GIGYF2: variants seen among roughly 807,000 people sequenced by gnomAD.
GIGYF2 encodes the protein GRB10 interacting GYF protein 2.
A neutral mutation model predicts 208.1 loss-of-function variants in GIGYF2; 25 were observed. The ratio of observed to expected loss-of-function variants is 0.12; its 90% CI spans 0.09 to 0.17. The LOEUF (loss-of-function observed/expected upper bound fraction) is 0.17, where lower values mean the gene tolerates loss of function less well. GIGYF2 is among the 10% of genes least tolerant of loss of function. The pLI is 1.00. For synonymous variants in GIGYF2, 534 were observed against 543.8 expected, an observed-to-expected ratio of 0.98 and a Z score of 0.25; for missense variants, 1,302 against 1,579.4, an observed-to-expected ratio of 0.82 and a Z score of 2.98.
intron 16 of GIGYF2, among the ~76,000 whole-genome samples, chr2:232,810,082 G>A (rs1444154617): frequency 2.0e-5 from 3 of 152,212 alleles, no homozygotes; most frequent in Non-Finnish European, 4.4e-5. Context: ...CTGCCTTCCT[G>A]GTTCCATTGA....
At chr2:232,735,957 G>A in intron 3 of GIGYF2, 4 of 983,898 alleles carry the variant, frequency 4.1e-6, no homozygotes, top group Non-Finnish European at 4.8e-6. Flanking sequence ...ATCAGAAGTA[G>A]TATCTAAAAT....
chr2:232,813,594 T>A (rs1402865616), intron 18 of GIGYF2, among the ~76,000 whole-genome samples: 1 of 152,176 alleles, frequency 6.6e-6, no homozygotes, highest in Non-Finnish European at 1.5e-5. Flanking sequence ...ATAGTTGGTG[T>A]TGAAGATCCT....
chr2:232,729,467 T>A, intron 2 of GIGYF2: 1 of 924,918 alleles, frequency 1.1e-6, no homozygotes, highest in South Asian at 2.5e-5. Flanking sequence ...TTTTAGGTTT[T>A]TTTTTTTAAT....
rs189988138 is a variant in GIGYF2, at chr2:232,842,442, T to G, written c.2890-1604T>G. On this transcript the variant is annotated intron_variant, in intron 23 of 28. Coordinates refer to ENST00000373563, the MANE Select transcript of GIGYF2 (RefSeq NM_001103146.3). ...GTATTTTTTATAGCCTTTTATTGTT[T>G]CATTAAATGCACCATCTTACCTCTC... Among the ~76,000 whole-genome samples, 174 of 152,328 alleles carry G rather than the reference T, an allele frequency of 1.1e-3. 1 individual carries two copies. Among genetic ancestry groups the G allele is most frequent in the African/African-American group, 4.0e-3 (167 of 41,574 alleles).
At chr2:232,772,835 G>C (rs1407517292) in intron 8 of GIGYF2, among the ~76,000 whole-genome samples, 1 of 152,180 alleles carries the variant, frequency 6.6e-6, no homozygotes, top group Non-Finnish European at 1.5e-5. Context: ...CTACAGACTT[G>C]TGGAGCTAGG....
chr2:232,860,472 GTA>G lies in GIGYF2; in HGVS notation c.*3620_*3621del, dbSNP rs1559175954. 1 of 149,672 alleles carries G rather than the reference GTA, an allele frequency of 6.7e-6. No homozygotes were observed. Among genetic ancestry groups the G allele is most frequent in the African/African-American group, 2.5e-5 (1 of 40,788 alleles). 9.3% of individuals were successfully genotyped at this position (149,672 alleles called of 1,614,324 possible). A position where few individuals can be genotyped will look rare whatever the true frequency, so the allele number is the denominator to read the frequency against. On this transcript the variant is annotated 3_prime_UTR_variant, in exon 29 of 29. Coordinates refer to ENST00000373563, the MANE Select transcript of GIGYF2 (RefSeq NM_001103146.3). Reference sequence around the variant, plus strand: ...TAATATATACATATATGTTATATACGTATATATATTGCACCCTACTTTAAAAT... The same window carrying G: ...TAATATATACATATATGTTATATACGTATATATTGCACCCTACTTTAAAAT...
At position 232,859,176 on chromosome 2, in the gene GIGYF2, T is replaced by C. The variant is rs1044617107; in HGVS notation, c.*2316T>C. ...TACTCTCTTTCATATTCTCATTTGC[T>C]CACCCTTTCACTTAGAGCCACCGTT... On this transcript the variant is annotated 3_prime_UTR_variant, in exon 29 of 29. Coordinates refer to ENST00000373563, the MANE Select transcript of GIGYF2 (RefSeq NM_001103146.3). 1.3e-5 allele frequency: 2 copies of C among 152,226 alleles called. No homozygotes were observed. The highest frequency in any genetic ancestry group is 2.9e-5 in the Non-Finnish European group (2 of 68,050). The allele number at this position is 152,226 out of a possible 1,614,324, so 9.4% of individuals were successfully genotyped here.
chr2:232,710,870 T>C (rs1440788273), intron 2 of GIGYF2, among the ~76,000 whole-genome samples: 1 of 151,912 alleles, frequency 6.6e-6, no homozygotes, highest in African/African-American at 2.4e-5. Context: ...CGGCTAACTT[T>C]TTGTATTTTT....
At chr2:232,701,620 C>T (rs1195347620) in intron 1 of GIGYF2, among the ~76,000 whole-genome samples, 1 of 151,640 alleles carries the variant, frequency 6.6e-6, no homozygotes, top group African/African-American at 2.4e-5. Flanking sequence ...GATGGGGTCT[C>T]ACTATGTTGC....
At chr2:232,754,270 T>TTA (rs1698449100) in intron 5 of GIGYF2, among the ~76,000 whole-genome samples, 1 of 152,116 alleles carries the variant, frequency 6.6e-6, no homozygotes, top group Admixed American at 6.5e-5. Flanking sequence ...TAGGATTGGC[T>TTA]AATACATAGA....
intron 2 of GIGYF2, among the ~76,000 whole-genome samples, chr2:232,724,082 C>T (rs1697075725): frequency 1.3e-5 from 2 of 151,820 alleles, no homozygotes; most frequent in African/African-American, 4.8e-5. Context: ...GCTCTGTCAC[C>T]CAGGCTGGAG....
At chr2:232,733,967 A>G (rs747918566) in intron 2 of GIGYF2, among the ~76,000 whole-genome samples, 3 of 152,100 alleles carry the variant, frequency 2.0e-5, no homozygotes, top group Non-Finnish European at 2.9e-5. Context: ...TACAATTTTT[A>G]TAGTATTTTC....
rs115135219 is a variant in GIGYF2, at chr2:232,783,109, G to A, written c.533-4041G>A. 5.1e-3 allele frequency among the ~76,000 whole-genome samples: 781 copies of A among 152,242 alleles called. 4 individuals carry two copies. Among genetic ancestry groups the A allele is most frequent in the African/African-American group, 0.018 (756 of 41,526 alleles). On this transcript the variant is annotated intron_variant, in intron 8 of 28. Coordinates refer to ENST00000373563, the MANE Select transcript of GIGYF2 (RefSeq NM_001103146.3). ...CGGCCTCTGGAGGCAGAACTTATAT[G>A]GCTTGATGAAAAATGTGGCTGTACT...
intron 7 of GIGYF2, 23 bp downstream of exon 7, chr2:232,760,614 A>G (rs1357454444): frequency 5.4e-6 from 8 of 1,484,704 alleles, no homozygotes; most frequent in South Asian, 1.1e-5. Context: ...ACATATTGGC[A>G]TAAAAATTTC....
chr2:232,836,306 A>AC (rs1281790679), intron 22 of GIGYF2, among the ~76,000 whole-genome samples: 1 of 20,152 alleles, frequency 5.0e-5, no homozygotes, highest in African/African-American at 1.7e-4. Flanking sequence ...ATATATATAT[A>AC]TATATATATA....
chr2:232,857,217 A>T lies in GIGYF2; in HGVS notation c.*357A>T, dbSNP rs1690611518. 1.3e-5 allele frequency: 4 copies of T among 319,660 alleles called. No individual in the cohort carries two copies. Among genetic ancestry groups the T allele is most frequent in the South Asian group, 3.4e-5 (1 of 29,838 alleles). The allele number at this position is 319,660 out of a possible 1,614,324, so 19.8% of individuals were successfully genotyped here. On this transcript the variant is annotated 3_prime_UTR_variant, in exon 29 of 29. Coordinates refer to ENST00000373563, the MANE Select transcript of GIGYF2 (RefSeq NM_001103146.3). ...CATTAGCAGCTTGCTTTCTCTTGTCACTTTTTTTCTTCTATTTTGTTTTTT... is the reference window on the plus strand; with the variant it reads ...CATTAGCAGCTTGCTTTCTCTTGTCTCTTTTTTTCTTCTATTTTGTTTTTT...
rs1187077539 is a variant in GIGYF2 at position 232,847,414 on chromosome 2, C to T, written c.3527C>T (p.Ala1176Val). ...TATGAGGTCCATGATTATATCAGGG[C>T]CTATTTAGGAGATACTTCTGAGGCC... ...SPYEVHDYIRAYLGDTSEAKE... is the reference protein window; with the variant it reads ...SPYEVHDYIRVYLGDTSEAKE... Residue 1176 changes from alanine (A) to valine (V), a missense_variant, in exon 27 of 29, where the codon GCC becomes GTC. This residue lies in a region of GIGYF2 where 701 missense variants were observed against 793.0 expected (regional missense o/e 0.88). Coordinates refer to ENST00000373563, the MANE Select transcript of GIGYF2 (RefSeq NM_001103146.3). 1.9e-6 allele frequency: 3 copies of T among 1,613,536 alleles called. No individual in the cohort carries two copies. The highest frequency in any genetic ancestry group is 2.5e-6 in the Non-Finnish European group (3 of 1,179,594).
intron 27 of GIGYF2, among the ~76,000 whole-genome samples, chr2:232,849,712 G>A (rs765297218): frequency 1.4e-4 from 22 of 152,336 alleles, no homozygotes; most frequent in East Asian, 7.7e-4. Flanking sequence ...ACAAGTAGGC[G>A]TGAAGGGCTA....
Position 232,784,514 on chromosome 2 carries a change from T to C in GIGYF2, c.533-2636T>C, listed in dbSNP as rs1043092792. On this transcript the variant is annotated intron_variant, in intron 8 of 28. Transcript: ENST00000373563. ...ATGCCATTCTCCTGCCTCAGCCTCC[T>C]GAGTAGCTTGGGACTACAGGCGCCC... Among the ~76,000 whole-genome samples, 15 of 43,166 alleles carry C rather than the reference T, an allele frequency of 3.5e-4. No individual in the cohort carries two copies. The East Asian group carries it at 0.11, about 308-fold the overall frequency. The allele number at this position is 43,166 out of a possible 152,430, so 28.3% of individuals were successfully genotyped here.
Sources: gnomAD v4.1 joint callset for allele counts (sites outside exome capture counted in the v4.1 genomes callset) on GRCh38, gnomAD v4.1.1 for gene constraint, gnomAD v4.1.1 regional missense constraint, MANE v1.5 for transcripts, NCBI Gene and HGNC (gene_info 2026-07-23, HGNC 2026-07-21) for gene names.